COL22A1: variants seen among roughly 807,000 people sequenced by gnomAD.
COL22A1 encodes collagen type XXII alpha 1 chain.
COL22A1 carries 221 observed loss-of-function variants against 248.9 expected under a neutral mutation model. The observed-to-expected ratio is 0.89, with a 90% CI of 0.80 to 0.99. The LOEUF (loss-of-function observed/expected upper bound fraction) is 0.99. Among genes scored for constraint, COL22A1 ranks in the 50% least tolerant of loss-of-function variants. The pLI is 0.00. For synonymous variants in COL22A1, 891 were observed against 793.4 expected, an observed-to-expected ratio of 1.12 and a Z score of -2.07; for missense variants, 2,240 against 2,179.0, an observed-to-expected ratio of 1.03 and a Z score of -0.56.
At chr8:138,788,669 C>T (rs1187727022) in intron 12 of COL22A1, among the ~76,000 whole-genome samples, 2 of 152,112 alleles carry the variant, frequency 1.3e-5, no homozygotes, top group African/African-American at 4.8e-5. Flanking sequence ...AGAGCTCTGA[C>T]ATTTTGCTGC....
chr8:138,804,253 A>T (rs1817263026), intron 10 of COL22A1, among the ~76,000 whole-genome samples: 1 of 152,140 alleles, frequency 6.6e-6, no homozygotes, highest in African/African-American at 2.4e-5. Context: ...CAGGAACCCC[A>T]GCCTTTGACT....
chr8:138,632,395 C>T (rs1343487161), intron 49 of COL22A1, among the ~76,000 whole-genome samples: 1 of 152,152 alleles, frequency 6.6e-6, no homozygotes, highest in East Asian at 1.9e-4. Flanking sequence ...GGAGTTAGCA[C>T]CAGAGAAATG....
At chr8:138,681,449 G>A (rs1279065437) in intron 39 of COL22A1, among the ~76,000 whole-genome samples, 1 of 152,088 alleles carries the variant, frequency 6.6e-6, no homozygotes, top group Non-Finnish European at 1.5e-5. Flanking sequence ...TTAGATCAGT[G>A]GTCATACAGA....
intron 1 of COL22A1, among the ~76,000 whole-genome samples, chr8:138,888,985 T>C (rs967037442): frequency 6.6e-6 from 1 of 152,212 alleles, no homozygotes; most frequent in Non-Finnish European, 1.5e-5. Context: ...ATCAGAAGAA[T>C]ATAGGCATCA....
chr8:138,733,400 C>T (rs1563683468), intron 23 of COL22A1, among the ~76,000 whole-genome samples: 1 of 152,204 alleles, frequency 6.6e-6, no homozygotes, highest in African/African-American at 2.4e-5. Context: ...TTTGCACGCT[C>T]CAAGATGGCA....
At chr8:138,891,621 A>C (rs1563894586) in intron 1 of COL22A1, among the ~76,000 whole-genome samples, 1 of 152,054 alleles carries the variant, frequency 6.6e-6, no homozygotes. Flanking sequence ...TCCTCCCATG[A>C]CTCCCATATC....
intron 45 of COL22A1, among the ~76,000 whole-genome samples, chr8:138,655,483 T>C (rs1444303114): frequency 6.6e-6 from 1 of 152,178 alleles, no homozygotes; most frequent in Non-Finnish European, 1.5e-5. Flanking sequence ...CTCAGCCTCC[T>C]GAGTCGCTGG....
At chr8:138,743,628 G>A (rs1831877254) in intron 22 of COL22A1, among the ~76,000 whole-genome samples, 1 of 152,152 alleles carries the variant, frequency 6.6e-6, no homozygotes, top group Non-Finnish European at 1.5e-5. Context: ...GATTTGAGAA[G>A]TGCTAGAAAA....
rs773950778 is a variant in COL22A1, at chr8:138,608,039, G to C, written c.3979-50C>G. ...ATCCTGCCAGGGCATCAAAGAGCAG[G>C]ACGGTGGAACAAAGAGATAGACTGA... is the stretch of plus-strand genomic sequence containing the variant. On this transcript the variant is annotated intron_variant, in intron 56 of 64. Coordinates refer to ENST00000303045, the MANE Select transcript of COL22A1 (RefSeq NM_152888.3). 20 of 1,576,762 alleles carry C rather than the reference G, an allele frequency of 1.3e-5. No homozygotes were observed. In the South Asian group the frequency reaches 2.1e-4, roughly 17 times the overall value.
intron 51 of COL22A1, 59 bp from the exon 52 acceptor site, chr8:138,623,844 C>G (rs374276643): frequency 6.7e-7 from 1 of 1,500,850 alleles, no homozygotes; most frequent in Non-Finnish European, 9.1e-7. Flanking sequence ...GATGGAAAGA[C>G]GAAGGCAGTT....
rs74781431 is a variant in COL22A1 at position 138,603,616 on chromosome 8, G to A, written c.4140+1118C>T. Among the ~76,000 whole-genome samples the A allele has an allele frequency of 5.0e-3, 768 of 152,292 alleles. 5 individuals are homozygous for A. The highest frequency in any genetic ancestry group is 6.3e-3 in the Non-Finnish European group (426 of 68,018). On this transcript the variant is annotated intron_variant, in intron 59 of 64. Transcript: ENST00000303045. ...CCAAGTACAAGCACATGGGGCTGAC[G>A]CAGCCCTCAGAAATGGGAGCTACGG...
intron 3 of COL22A1, among the ~76,000 whole-genome samples, chr8:138,874,714 C>G (rs775112829): frequency 3.3e-5 from 5 of 152,238 alleles, no homozygotes; most frequent in Non-Finnish European, 5.9e-5. Context: ...AGGCCAGCCA[C>G]TGTGACTGCA....
intron 3 of COL22A1, among the ~76,000 whole-genome samples, chr8:138,866,922 G>C (rs1210672506): frequency 1.3e-5 from 2 of 152,126 alleles, no homozygotes; most frequent in African/African-American, 4.8e-5. Context: ...CCTCTAAGAG[G>C]AGCCACACCA....
chr8:138,803,359 G>A (rs190963482), intron 10 of COL22A1, among the ~76,000 whole-genome samples: 2 of 152,200 alleles, frequency 1.3e-5, no homozygotes, highest in East Asian at 3.9e-4. Context: ...ATAAGATTAA[G>A]AGCATAAAGG....
chr8:138,743,210 T>G (rs1831809922), intron 22 of COL22A1, among the ~76,000 whole-genome samples: 1 of 137,026 alleles, frequency 7.3e-6, no homozygotes, highest in African/African-American at 2.8e-5. Context: ...GATGGTAGAG[T>G]TGATGGTGAT....
intron 1 of COL22A1, among the ~76,000 whole-genome samples, chr8:138,904,569 T>C (rs1232826370): frequency 1.3e-5 from 2 of 151,782 alleles, no homozygotes; most frequent in Non-Finnish European, 2.9e-5. Flanking sequence ...TAACCCCATT[T>C]TTATTTCTTT....
intron 3 of COL22A1, among the ~76,000 whole-genome samples, chr8:138,869,727 T>C (rs1200118468): frequency 6.6e-6 from 1 of 152,212 alleles, no homozygotes; most frequent in African/African-American, 2.4e-5. Flanking sequence ...CTAATAAGCC[T>C]CCCAAGAGGA....
At chr8:138,657,190 G>A (rs550440660) in intron 44 of COL22A1, among the ~76,000 whole-genome samples, 5 of 152,310 alleles carry the variant, frequency 3.3e-5, no homozygotes, top group East Asian at 3.9e-4. Flanking sequence ...AGGATGCAGC[G>A]GCTAAAGCCA....
At chr8:138,804,722 GTGTGATGAGGGGTGTGTA>G (rs1340666550) in intron 10 of COL22A1, among the ~76,000 whole-genome samples, 18 of 151,764 alleles carry the variant, frequency 1.2e-4, no homozygotes, top group African/African-American at 3.4e-4. Context: ...GTGATGGTGT[GTGTGATGAGGGGTGTGTA>G]TGTGATGAGG....
Sources: gnomAD v4.1 joint callset for allele counts (sites outside exome capture counted in the v4.1 genomes callset) on GRCh38, gnomAD v4.1.1 for gene constraint, MANE v1.5 for transcripts, NCBI Gene and HGNC (gene_info 2026-07-23, HGNC 2026-07-21) for gene names.